The following LYRM4 variants were observed in gnomAD, a reference collection of about 807,000 sequenced individuals.
The protein encoded by LYRM4 is LYR motif containing 4.
A neutral mutation model predicts 11.7 loss-of-function variants in LYRM4; 9 were observed. The ratio of observed to expected loss-of-function variants is 0.77; its 90% CI spans 0.46 to 1.34. The LOEUF (loss-of-function observed/expected upper bound fraction) is 1.34. LYRM4 is among the 40% of genes most tolerant of loss of function. The pLI is 0.00. For missense variants in LYRM4, 133 were observed against 112.5 expected (o/e 1.18, Z -0.82); for synonymous variants, 42 against 40.4 (o/e 1.04, Z -0.15).
chr6:5,207,737 G>A (rs1296870909), intron 2 of LYRM4, among the ~76,000 whole-genome samples: 2 of 152,098 alleles, frequency 1.3e-5, no homozygotes, highest in East Asian at 1.9e-4. Flanking sequence ...TGTAGTTTTC[G>A]TATTTATTTT....
chr6:5,085,644 G>T, the LYRM4 span: 3 of 1,548,726 alleles, frequency 1.9e-6, no homozygotes, highest in African/African-American at 4.1e-5. Flanking sequence ...CTGACGCTCA[G>T]CTAGGGGATA....
intron 1 of LYRM4, among the ~76,000 whole-genome samples, chr6:5,231,618 T>G (rs1326595694): frequency 6.6e-6 from 1 of 152,216 alleles, no homozygotes; most frequent in Non-Finnish European, 1.5e-5. Flanking sequence ...TTTTCCCTGT[T>G]GCAGAGAAGT....
intron 2 of LYRM4, chr6:5,136,596 T>C (rs1281881021): frequency 1.0e-6 from 1 of 984,656 alleles, no homozygotes; most frequent in Non-Finnish European, 1.2e-6. Context: ...GGCACACAGC[T>C]TTCAATTAAT....
the LYRM4 span, among the ~76,000 whole-genome samples, chr6:5,049,976 G>C: frequency 6.6e-6 from 1 of 152,224 alleles, no homozygotes; most frequent in Non-Finnish European, 1.5e-5. Context: ...CCTGGGCAGT[G>C]TCATTCTTCT....
chr6:5,124,313 CT>C (rs570795871), intron 2 of LYRM4, among the ~76,000 whole-genome samples: 2 of 152,214 alleles, frequency 1.3e-5, no homozygotes, highest in Non-Finnish European at 2.9e-5. Context: ...GCTGCTCTGT[CT>C]CAGGTGAAAT....
chr6:5,167,389 C>T (rs1759147089), intron 2 of LYRM4, among the ~76,000 whole-genome samples: 1 of 152,164 alleles, frequency 6.6e-6, no homozygotes, highest in Admixed American at 6.5e-5. Context: ...CTAATTCCTC[C>T]ACACTCTTCA....
rs150526479 is a variant in LYRM4, at chr6:5,142,946, C to T, written c.208-33455G>A. 5.2e-3 allele frequency among the ~76,000 whole-genome samples: 796 copies of T among 152,322 alleles called. 8 individuals are homozygous for T. The highest frequency in any genetic ancestry group is 0.018 in the African/African-American group (758 of 41,568). On this transcript the variant is annotated intron_variant, in intron 2 of 2. Coordinates refer to ENST00000330636, the MANE Select transcript of LYRM4 (RefSeq NM_020408.6). Reference sequence around the variant, plus strand: ...TCTCCCAGGAGGCCGCATCGCGGGCCGGTCCCCTGTGTTTTCAGTTTTCAT... The same window carrying T: ...TCTCCCAGGAGGCCGCATCGCGGGCTGGTCCCCTGTGTTTTCAGTTTTCAT...
intron 2 of LYRM4, among the ~76,000 whole-genome samples, chr6:5,205,611 C>T (rs1333183752): frequency 6.6e-6 from 1 of 152,180 alleles, no homozygotes; most frequent in Non-Finnish European, 1.5e-5. Flanking sequence ...AAAACATGAA[C>T]AGCTATACAG....
the LYRM4 span, chr6:5,054,512 A>G: frequency 1.3e-5 from 2 of 153,914 alleles, no homozygotes; most frequent in Non-Finnish European, 2.9e-5. Flanking sequence ...TCCTGGTAAC[A>G]GCATTATTCT....
rs781750021 is a variant in LYRM4 at position 5,109,482 on chromosome 6, C to T, written c.217G>A (p.Gly73Ser). 20 of 1,613,916 alleles carry T rather than the reference C, an allele frequency of 1.2e-5. No homozygotes were observed. The highest frequency in any genetic ancestry group is 1.6e-4 in the Middle Eastern group (1 of 6,084). ...AGCTTGTCAGTTGAATACAGTTGGC[C>T]AATGTGGACCTGAAGGCAAAGAAAG... ...LGVIRRQVHI[G>S]QLYSTDKLII... The change falls in exon 3 of 3, where the codon GGC becomes AGC. Residue 73 changes from glycine to serine, a missense_variant. Coordinates refer to ENST00000330636, the MANE Select transcript of LYRM4 (RefSeq NM_020408.6).
chr6:5,236,736 C>T (rs1197795173), intron 1 of LYRM4, among the ~76,000 whole-genome samples: 5 of 151,272 alleles, frequency 3.3e-5, no homozygotes, highest in Admixed American at 2.6e-4. Flanking sequence ...TTGCTTGAGC[C>T]CAGGAGTTCA....
chr6:5,186,484 G>GA, intron 2 of LYRM4: 3 of 871,910 alleles, frequency 3.4e-6, no homozygotes, highest in Non-Finnish European at 4.1e-6. Context: ...TAGGACAGGA[G>GA]AAAGTTATCA....
intron 2 of LYRM4, among the ~76,000 whole-genome samples, chr6:5,139,246 G>A (rs1262023053): frequency 2.0e-5 from 3 of 152,184 alleles, no homozygotes; most frequent in African/African-American, 2.4e-5. Context: ...CCCAGGCACC[G>A]CTGCATTTCC....
intron 2 of LYRM4, among the ~76,000 whole-genome samples, chr6:5,162,063 C>T (rs187651492): frequency 6.6e-6 from 1 of 152,278 alleles, no homozygotes; most frequent in African/African-American, 2.4e-5. Context: ...CCAGCCACAA[C>T]ACAAGTCATG....
intron 2 of LYRM4, among the ~76,000 whole-genome samples, chr6:5,173,855 T>C (rs1242336713): frequency 6.6e-6 from 1 of 152,210 alleles, no homozygotes; most frequent in Admixed American, 6.5e-5. Context: ...AGGTTAGACA[T>C]AGAGTTGCTT....
chr6:5,102,325 C>T (rs1561796551), downstream of LYRM4, among the ~76,000 whole-genome samples: 1 of 152,132 alleles, frequency 6.6e-6, no homozygotes, highest in South Asian at 2.1e-4. Context: ...CTCTTAGCCT[C>T]AGCATTGTAG....
At chr6:5,164,057 C>T (rs1398953621) in intron 2 of LYRM4, among the ~76,000 whole-genome samples, 1 of 152,086 alleles carries the variant, frequency 6.6e-6, no homozygotes, top group Non-Finnish European at 1.5e-5. Flanking sequence ...CCACCATATC[C>T]ACTAGAATTG....
intron 2 of LYRM4, among the ~76,000 whole-genome samples, chr6:5,177,374 C>T (rs767292473): frequency 1.2e-4 from 18 of 152,208 alleles, no homozygotes; most frequent in Non-Finnish European, 2.1e-4. Flanking sequence ...ATTTTAATCG[C>T]TTGGAACTCA....
intron 2 of LYRM4, among the ~76,000 whole-genome samples, chr6:5,215,817 G>GC (rs1486691400): frequency 1.3e-5 from 2 of 152,136 alleles, no homozygotes; most frequent in Non-Finnish European, 2.9e-5. Flanking sequence ...CAAATTTCCT[G>GC]CAAGTAAAAG....
Sources: gnomAD v4.1 joint callset for allele counts (sites outside exome capture counted in the v4.1 genomes callset) on GRCh38, gnomAD v4.1.1 for gene constraint, MANE v1.5 for transcripts, NCBI Gene and HGNC (gene_info 2026-07-23, HGNC 2026-07-21) for gene names.